Variants in LRRC4C observed in about 807,000 individuals in gnomAD.
LRRC4C encodes the protein leucine rich repeat containing 4C, also known as leucine-rich repeat-containing protein 4C.
Under a neutral mutation model 33.6 loss-of-function variants are expected in LRRC4C, and 5 were observed. The ratio of observed to expected loss-of-function variants is 0.15; its 90% CI spans 0.08 to 0.31. The LOEUF (loss-of-function observed/expected upper bound fraction) is 0.31, where lower values mean the gene tolerates loss of function less well. LRRC4C is among the 10% of genes least tolerant of loss of function. The pLI is 1.00. For missense variants in LRRC4C, 560 were observed against 796.7 expected, an observed-to-expected ratio of 0.70 and a Z score of 3.58; for synonymous variants, 329 against 302.0, an observed-to-expected ratio of 1.09 and a Z score of -0.93.
chr11:40,517,623 C>A (rs142962378), intron 3 of LRRC4C, among the ~76,000 whole-genome samples: 1 of 152,072 alleles, frequency 6.6e-6, no homozygotes, highest in South Asian at 2.1e-4. Context: ...TTAAGAGAAG[C>A]CTTATGGTGG....
At chr11:40,219,034 A>T (rs566844687) in intron 5 of LRRC4C, among the ~76,000 whole-genome samples, 3 of 152,096 alleles carry the variant, frequency 2.0e-5, no homozygotes, top group Non-Finnish European at 4.4e-5. Flanking sequence ...TGACCACTCT[A>T]TTTATAATTG....
chr11:40,314,073 A>G (rs1945460429), intron 4 of LRRC4C, among the ~76,000 whole-genome samples: 1 of 152,094 alleles, frequency 6.6e-6, no homozygotes, highest in Non-Finnish European at 1.5e-5. Context: ...GACAACCTAC[A>G]GAATGGGAGA....
chr11:40,181,170 T>A (rs1860968453), intron 5 of LRRC4C, among the ~76,000 whole-genome samples: 1 of 152,166 alleles, frequency 6.6e-6, no homozygotes, highest in South Asian at 2.1e-4. Context: ...AAATAAGATC[T>A]TTCTTCCCTT....
chr11:41,404,490 G>GTGTC (rs1565646077), intron 1 of LRRC4C, among the ~76,000 whole-genome samples: 1 of 145,346 alleles, frequency 6.9e-6, no homozygotes, highest in African/African-American at 2.6e-5. Flanking sequence ...GTCTGTGTGT[G>GTGTC]TGTGTGTATA....
intron 1 of LRRC4C, among the ~76,000 whole-genome samples, chr11:41,297,995 G>A (rs1361400709): frequency 6.6e-6 from 1 of 152,154 alleles, no homozygotes; most frequent in Non-Finnish European, 1.5e-5. Context: ...TCAATCAGGA[G>A]ATGTATTCAG....
intron 1 of LRRC4C, among the ~76,000 whole-genome samples, chr11:41,043,631 A>G (rs1343970694): frequency 2.4e-4 from 30 of 125,466 alleles, no homozygotes. Flanking sequence ...ACATGAAAAA[A>G]CCAAGGCATA....
At chr11:40,695,166 T>A (rs1945429128) in intron 2 of LRRC4C, among the ~76,000 whole-genome samples, 1 of 152,148 alleles carries the variant, frequency 6.6e-6, no homozygotes, top group African/African-American at 2.4e-5. Context: ...GAGGAAATAA[T>A]CCATTATGCT....
chr11:40,318,597 G>A (rs558285541), intron 4 of LRRC4C, among the ~76,000 whole-genome samples: 21 of 152,020 alleles, frequency 1.4e-4, no homozygotes, highest in African/African-American at 4.6e-4. Flanking sequence ...CCTTGGTTTT[G>A]TTTTTACCAA....
chr11:40,601,949 G>A (rs1960040674), intron 3 of LRRC4C, among the ~76,000 whole-genome samples: 1 of 151,928 alleles, frequency 6.6e-6, no homozygotes, highest in South Asian at 2.1e-4. Context: ...CCAGCACTTT[G>A]GAAGGCCAAG....
intron 5 of LRRC4C, among the ~76,000 whole-genome samples, chr11:40,182,294 C>G (rs1861069198): frequency 6.6e-6 from 1 of 152,112 alleles, no homozygotes; most frequent in Non-Finnish European, 1.5e-5. Context: ...CTCCCCACTG[C>G]CTCAACCATC....
intron 3 of LRRC4C, among the ~76,000 whole-genome samples, chr11:40,401,188 T>A (rs1341585376): frequency 6.6e-6 from 1 of 152,046 alleles, no homozygotes; most frequent in Non-Finnish European, 1.5e-5. Context: ...TTTCCTGATT[T>A]GTAATTTATG....
At chr11:41,196,707 G>T (rs1184896063) in intron 1 of LRRC4C, among the ~76,000 whole-genome samples, 2 of 152,020 alleles carry the variant, frequency 1.3e-5, no homozygotes, top group Non-Finnish European at 2.9e-5. Context: ...ATAAACGGAT[G>T]CATGAATGAA....
intron 2 of LRRC4C, among the ~76,000 whole-genome samples, chr11:40,654,951 T>G (rs1943025724): frequency 6.6e-6 from 1 of 152,184 alleles, no homozygotes; most frequent in African/African-American, 2.4e-5. Flanking sequence ...GCATTTCCAC[T>G]GTTGTCACTC....
chr11:41,270,338 C>T (rs1565534777), intron 1 of LRRC4C, among the ~76,000 whole-genome samples: 1 of 152,018 alleles, frequency 6.6e-6, no homozygotes, highest in Non-Finnish European at 1.5e-5. Flanking sequence ...AGGTTCCTTG[C>T]TTTATGGTTC....
At chr11:40,791,425 A>T (rs1207801979) in intron 2 of LRRC4C, among the ~76,000 whole-genome samples, 1 of 152,162 alleles carries the variant, frequency 6.6e-6, no homozygotes, top group African/African-American at 2.4e-5. Context: ...GTAATGAACA[A>T]GGAATAGGGA....
chr11:40,866,697 A>T (rs2135902406), intron 2 of LRRC4C, among the ~76,000 whole-genome samples: 1 of 152,196 alleles, frequency 6.6e-6, no homozygotes, highest in East Asian at 1.9e-4. Flanking sequence ...AAATTGTGTG[A>T]TGACATTTGA....
chr11:40,980,314 TTTG>T (rs1385365099), intron 1 of LRRC4C, among the ~76,000 whole-genome samples: 1 of 152,178 alleles, frequency 6.6e-6, no homozygotes, highest in African/African-American at 2.4e-5. Context: ...GCAAGAAAAG[TTTG>T]TTGTTGTCAA....
At chr11:40,484,671 A>T (rs1953763101) in intron 3 of LRRC4C, among the ~76,000 whole-genome samples, 1 of 152,114 alleles carries the variant, frequency 6.6e-6, no homozygotes, top group Non-Finnish European at 1.5e-5. Context: ...AAATCAAAAC[A>T]TACAAAACTT....
At chr11:40,860,930 G>A (rs1420784751) in intron 2 of LRRC4C, among the ~76,000 whole-genome samples, 5 of 149,688 alleles carry the variant, frequency 3.3e-5, no homozygotes, top group African/African-American at 5.0e-5. Context: ...ATTGGACAAC[G>A]TTGTAAAGAT....
Sources: gnomAD v4.1 joint callset for allele counts (sites outside exome capture counted in the v4.1 genomes callset) on GRCh38, gnomAD v4.1.1 for gene constraint, MANE v1.5 for transcripts, NCBI Gene and HGNC (gene_info 2026-07-23, HGNC 2026-07-21) for gene names.